EXOC4: variants seen among roughly 807,000 people sequenced by gnomAD.
EXOC4 encodes exocyst complex component 4.
A neutral mutation model predicts 107.2 loss-of-function variants in EXOC4; 71 were observed. That is an observed-to-expected ratio of 0.66 (90% CI 0.55 to 0.81). The LOEUF (loss-of-function observed/expected upper bound fraction) is 0.81. EXOC4 is among the 30% of genes least tolerant of loss of function. The probability of loss-of-function intolerance (pLI) is 0.00; values close to 1 mark genes in which losing one functional copy is unlikely to be tolerated. For missense variants in EXOC4, 1,108 were observed against 1,189.6 expected, an observed-to-expected ratio of 0.93 and a Z score of 1.01; for synonymous variants, 456 against 441.2, an observed-to-expected ratio of 1.03 and a Z score of -0.42.
chr7:133,356,443 C>T lies in EXOC4; in HGVS notation c.877C>T (p.Pro293Ser). The T allele has an allele frequency of 6.2e-7, 1 of 1,614,088 alleles. No individual in the cohort carries two copies. The highest frequency in any genetic ancestry group is 1.1e-5 in the South Asian group (1 of 91,070). ...IKGLAKLKKI[P>S]ETVKAIIERL... ...GGGCTTGGCGAAACTGAAGAAGATC[C>T]CAGAAACAGTTAAGGCAATCATAGA... Residue 293 changes from proline to serine, a missense_variant, in exon 6 of 18, where the codon CCA (proline) becomes TCA (serine). Transcript: ENST00000253861.
intron 10 of EXOC4, among the ~76,000 whole-genome samples, chr7:133,737,065 C>T (rs1795459652): frequency 6.6e-6 from 1 of 152,220 alleles, no homozygotes; most frequent in South Asian, 2.1e-4. Flanking sequence ...GTCCTATACA[C>T]TGCTTCTTAA....
chr7:133,729,571 T>C (rs1041177050), intron 10 of EXOC4, among the ~76,000 whole-genome samples: 2 of 152,124 alleles, frequency 1.3e-5, no homozygotes, highest in African/African-American at 4.8e-5. Context: ...AAAGGCCTCA[T>C]TGTGCCTCCT....
At chr7:133,456,941 A>G (rs62469960) in intron 7 of EXOC4, among the ~76,000 whole-genome samples, 22,069 of 152,246 alleles carry the variant, frequency 0.14, 1,993 homozygotes, top group Non-Finnish European at 0.2. Context: ...GAGAAACTAA[A>G]TGTAGTTCAA....
rs546297461 is a variant in EXOC4, at chr7:133,399,749, TAG to T, written c.1182+24750_1182+24751del. On this transcript the variant is annotated intron_variant, in intron 7 of 17. Transcript: ENST00000253861. ...TTAGAGCTGGACTGCCCACTAGGGA[TAG>T]AGGGCTTAGACATAAGTGTAGGCTT... 1.2e-4 allele frequency among the ~76,000 whole-genome samples: 19 copies of T among 152,312 alleles called. No individual in the cohort carries two copies. In the East Asian group the frequency reaches 3.1e-3, roughly 25 times the overall value.
chr7:133,961,533 C>T (rs1464563641), intron 14 of EXOC4, among the ~76,000 whole-genome samples: 6 of 152,156 alleles, frequency 3.9e-5, no homozygotes, highest in Admixed American at 2.6e-4. Context: ...GGTGATCCAC[C>T]GCCTGCCTTG....
intron 9 of EXOC4, among the ~76,000 whole-genome samples, chr7:133,623,815 G>A (rs551487035): frequency 1.1e-4 from 16 of 152,248 alleles, no homozygotes; most frequent in Admixed American, 7.8e-4. Flanking sequence ...CTTGTAACAA[G>A]GTTACCTTTG....
chr7:133,302,148 T>C lies in EXOC4; in HGVS notation c.472-3729T>C, dbSNP rs377087130. 2.0e-4 allele frequency among the ~76,000 whole-genome samples: 30 copies of C among 152,328 alleles called. No individual in the cohort carries two copies. In the East Asian group the frequency reaches 3.9e-3, roughly 20 times the overall value. On this transcript the variant is annotated intron_variant, in intron 3 of 17. Transcript: ENST00000253861. Reference sequence around the variant, plus strand: ...TGTGTTCAAGCTATTCTTTTAGTTATAGAAACATTTTTTAGAATTTTTGTT... The same window carrying C: ...TGTGTTCAAGCTATTCTTTTAGTTACAGAAACATTTTTTAGAATTTTTGTT...
intron 1 of EXOC4, among the ~76,000 whole-genome samples, chr7:133,267,742 G>A (rs915487129): frequency 7.2e-5 from 11 of 152,152 alleles, no homozygotes; most frequent in South Asian, 4.1e-4. Flanking sequence ...ATAGGGTCAC[G>A]AGCAACTATT....
chr7:133,856,436 A>AT (rs1454969630), intron 11 of EXOC4, among the ~76,000 whole-genome samples: 4 of 152,192 alleles, frequency 2.6e-5, no homozygotes, highest in Non-Finnish European at 4.4e-5. Context: ...GTGGTGTCAC[A>AT]TTTTTTGTAA....
intron 1 of EXOC4, among the ~76,000 whole-genome samples, chr7:133,260,211 T>A (rs1005149057): frequency 6.6e-6 from 1 of 152,220 alleles, no homozygotes; most frequent in Admixed American, 6.5e-5. Context: ...ATAACAATAC[T>A]GCACTGTCTT....
intron 17 of EXOC4, among the ~76,000 whole-genome samples, chr7:134,014,849 A>G (rs944578008): frequency 5.3e-5 from 8 of 152,206 alleles, no homozygotes; most frequent in African/African-American, 1.9e-4. Flanking sequence ...CATTCATCAT[A>G]GGAAATGAGG....
intron 13 of EXOC4, among the ~76,000 whole-genome samples, chr7:133,918,575 A>G (rs542973075): frequency 4.6e-5 from 7 of 152,156 alleles, no homozygotes; most frequent in Non-Finnish European, 8.8e-5. Context: ...ATTGTTTTCT[A>G]TGTTTCAACA....
intron 10 of EXOC4, among the ~76,000 whole-genome samples, chr7:133,676,680 C>G (rs1794064632): frequency 6.6e-6 from 1 of 151,942 alleles, no homozygotes; most frequent in South Asian, 2.1e-4. Context: ...CTTTTTTCCC[C>G]AAGGCATTCT....
chr7:133,356,862 CCCAGCTGTTCTGGAGG>C (rs1450318009), intron 6 of EXOC4, among the ~76,000 whole-genome samples: 1 of 152,200 alleles, frequency 6.6e-6, no homozygotes, highest in African/African-American at 2.4e-5. Flanking sequence ...TGCCTGTAAT[CCCAGCTGTTCTGGAGG>C]CTGAGGCAGG....
intron 9 of EXOC4, among the ~76,000 whole-genome samples, chr7:133,507,081 T>C (rs1799680724): frequency 6.6e-6 from 1 of 152,156 alleles, no homozygotes; most frequent in African/African-American, 2.4e-5. Context: ...TTTTTGATAC[T>C]ATGATTTCTT....
At chr7:133,908,360 C>T (rs1040504803) in intron 12 of EXOC4, among the ~76,000 whole-genome samples, 6 of 152,310 alleles carry the variant, frequency 3.9e-5, no homozygotes, top group African/African-American at 1.2e-4. Flanking sequence ...GCAAAGGCCA[C>T]AGAGCATAAA....
intron 10 of EXOC4, among the ~76,000 whole-genome samples, chr7:133,653,481 A>G (rs1226723361): frequency 2.0e-5 from 3 of 152,226 alleles, no homozygotes; most frequent in Non-Finnish European, 4.4e-5. Flanking sequence ...GTGTTTGCAC[A>G]CAAATGCAGC....
chr7:133,493,093 G>T (rs763158083), intron 9 of EXOC4, among the ~76,000 whole-genome samples: 1 of 152,150 alleles, frequency 6.6e-6, no homozygotes, highest in African/African-American at 2.4e-5. Context: ...TAGGGCCATA[G>T]TGATGACGAA....
chr7:134,030,434 C>T (rs1795242589), intron 17 of EXOC4, among the ~76,000 whole-genome samples: 1 of 152,160 alleles, frequency 6.6e-6, no homozygotes, highest in Non-Finnish European at 1.5e-5. Context: ...CTACATGCTG[C>T]CAAGTCTGTC....
Sources: gnomAD v4.1 joint callset for allele counts (sites outside exome capture counted in the v4.1 genomes callset) on GRCh38, gnomAD v4.1.1 for gene constraint, MANE v1.5 for transcripts, NCBI Gene and HGNC (gene_info 2026-07-23, HGNC 2026-07-21) for gene names.